Variants in ENKUR observed in about 807,000 individuals in gnomAD.
ENKUR encodes enkurin.
In ENKUR, 19 loss-of-function variants were observed where a neutral mutation model predicts 27.6. That is an observed-to-expected ratio of 0.69 (90% CI 0.48 to 1.01). ENKUR has a LOEUF of 1.01. Ranked by LOEUF, ENKUR falls within the 50% of genes least tolerant of loss-of-function variation. The pLI is 0.00. For missense variants in ENKUR, 312 were observed against 310.5 expected (o/e 1.00, Z -0.04); for synonymous variants, 117 against 96.9 (o/e 1.21, Z -1.22).
At chr10:25,035,550 T>C (rs1402704624) in intron 2 of ENKUR, among the ~76,000 whole-genome samples, 1 of 145,796 alleles carries the variant, frequency 6.9e-6, no homozygotes, top group East Asian at 2.0e-4. Context: ...AGCTAAACTC[T>C]GTCTCAAGGA....
At chr10:24,986,962 T>A (rs1849793399) in intron 4 of ENKUR, among the ~76,000 whole-genome samples, 1 of 152,202 alleles carries the variant, frequency 6.6e-6, no homozygotes, top group African/African-American at 2.4e-5. Context: ...GGAGAAGTGA[T>A]CTTATAATAA....
At chr10:25,023,003 A>G (rs1429453788) in intron 2 of ENKUR, among the ~76,000 whole-genome samples, 3 of 152,238 alleles carry the variant, frequency 2.0e-5, no homozygotes, top group Admixed American at 2.0e-4. Flanking sequence ...TATGCAATAT[A>G]TAAGAATTTG....
At position 25,038,546 on chromosome 10, in the gene ENKUR, C is replaced by T. The variant is rs373454227; in HGVS notation, c.37+22566G>A. Among the ~76,000 whole-genome samples the T allele has an allele frequency of 1.4e-4, 22 of 152,218 alleles. No homozygotes were observed. In the South Asian group the frequency reaches 2.5e-3, roughly 17 times the overall value. On this transcript the variant is annotated intron_variant, in intron 2 of 5. Transcript: ENST00000615958. The stretch of plus-strand genomic sequence containing the variant: ...CCTTTATGAGGATCTAATAAAATAA[C>T]GTGTGTAAGGAGGGTTTTAAAGGAT...
At chr10:24,984,445 T>C in intron 5 of ENKUR, 69 bp from the exon 6 acceptor site, 5 of 1,502,256 alleles carry the variant, frequency 3.3e-6, no homozygotes, top group Non-Finnish European at 4.5e-6. Context: ...TAGAAATTAA[T>C]GTTTATGTGA....
intron 1 of ENKUR, among the ~76,000 whole-genome samples, chr10:25,013,372 A>C (rs546809078): frequency 4.6e-5 from 7 of 152,380 alleles, no homozygotes; most frequent in Non-Finnish European, 7.3e-5. Flanking sequence ...CCATAGATTA[A>C]TGAGTTGAGA....
chr10:25,033,162 G>A (rs1458031889), intron 2 of ENKUR, among the ~76,000 whole-genome samples: 1 of 152,100 alleles, frequency 6.6e-6, no homozygotes, highest in Non-Finnish European at 1.5e-5. Flanking sequence ...GCTCATGCTT[G>A]TAATCCCAGC....
At chr10:25,030,128 C>G (rs1588678847) in intron 2 of ENKUR, among the ~76,000 whole-genome samples, 2 of 152,016 alleles carry the variant, frequency 1.3e-5, no homozygotes, top group East Asian at 3.9e-4. Flanking sequence ...GGGAGACTAC[C>G]CTATAGGGTC....
chr10:25,009,395 A>G (rs954821402), intron 1 of ENKUR, among the ~76,000 whole-genome samples: 1 of 152,244 alleles, frequency 6.6e-6, no homozygotes, highest in African/African-American at 2.4e-5. Flanking sequence ...GTCACCACAA[A>G]TGAAAATCAA....
At chr10:25,053,426 G>T (rs1395575588) in intron 2 of ENKUR, among the ~76,000 whole-genome samples, 1 of 152,066 alleles carries the variant, frequency 6.6e-6, no homozygotes, top group East Asian at 1.9e-4. Flanking sequence ...TGCACCCTTT[G>T]ACTAATATCT....
intron 2 of ENKUR, among the ~76,000 whole-genome samples, chr10:24,998,775 G>T (rs1301489826): frequency 6.6e-6 from 1 of 151,748 alleles, no homozygotes; most frequent in Non-Finnish European, 1.5e-5. Flanking sequence ...AATTTTTGAG[G>T]CCCAGTAAAA....
chr10:24,999,634 A>T, intron 1 of ENKUR, 88 bp from the exon 2 acceptor site: 4 of 1,211,854 alleles, frequency 3.3e-6, no homozygotes, highest in Non-Finnish European at 4.6e-6. Flanking sequence ...TACATTTTTA[A>T]TTTATTTAAG....
At position 24,982,613 on chromosome 10, in the gene ENKUR, C is replaced by T. The variant is rs916246354; in HGVS notation, c.*1757G>A. 1.3e-5 allele frequency: 2 copies of T among 152,138 alleles called. No individual in the cohort carries two copies. Among genetic ancestry groups the T allele is most frequent in the Admixed American group, 6.5e-5 (1 of 15,282 alleles). The allele number at this position is 152,138 out of a possible 1,614,324, so 9.4% of individuals were successfully genotyped here. A position where few individuals can be genotyped will look rare whatever the true frequency, so the allele number is the denominator to read the frequency against. On this transcript the variant is annotated 3_prime_UTR_variant, in exon 6 of 6. Transcript: ENST00000331161. ...TCTGATCAGTCACTGGTCAGCTGTC[C>T]AAGTCAGATGTTTGTCCCTCTTTTG...
chr10:25,038,766 G>A (rs1281616742), intron 2 of ENKUR, among the ~76,000 whole-genome samples: 1 of 152,134 alleles, frequency 6.6e-6, no homozygotes, highest in East Asian at 1.9e-4. Context: ...CACCTGAACC[G>A]AATGGGAGAA....
intron 3 of ENKUR, among the ~76,000 whole-genome samples, chr10:24,991,615 C>T (rs535797047): frequency 2.6e-5 from 4 of 152,188 alleles, no homozygotes; most frequent in African/African-American, 9.6e-5. Flanking sequence ...CAGAGCTGCC[C>T]GGCTCCAGGG....
intron 1 of ENKUR, among the ~76,000 whole-genome samples, chr10:25,004,239 GGCATGCATGTGTCTTTATAATAGAACA>G: frequency 6.6e-6 from 1 of 152,136 alleles, no homozygotes; most frequent in Admixed American, 6.5e-5. Flanking sequence ...AATGAACCTA[GGCATGCATGTGTCTTTATAATAGAACA>G]ATTTCTATTC....
At chr10:25,028,170 A>G (rs1200218536) in intron 2 of ENKUR, among the ~76,000 whole-genome samples, 1 of 152,216 alleles carries the variant, frequency 6.6e-6, no homozygotes, top group African/African-American at 2.4e-5. Flanking sequence ...TGAAATGCCC[A>G]AGGGTTCATG....
intron 2 of ENKUR, among the ~76,000 whole-genome samples, chr10:25,021,180 G>A (rs1461947765): frequency 6.6e-6 from 1 of 152,178 alleles, no homozygotes; most frequent in Non-Finnish European, 1.5e-5. Context: ...CCCACTGTCA[G>A]TGAGTGACAA....
intron 4 of ENKUR, among the ~76,000 whole-genome samples, chr10:24,985,747 T>G (rs1849763870): frequency 6.6e-6 from 1 of 152,236 alleles, no homozygotes; most frequent in South Asian, 2.1e-4. Flanking sequence ...ATTTTATAAG[T>G]CAACACTTTT....
rs889374061 is a variant in ENKUR, at chr10:24,999,325, T to C, written c.223+76A>G. On this transcript the variant is annotated intron_variant, in intron 2 of 5. Coordinates refer to ENST00000331161, the MANE Select transcript of ENKUR (RefSeq NM_145010.4). ...TGCTATCACCTGTGCATGTTTAATA[T>C]TCATCAACAATAAAATAATAGTTAA... 13 of 1,405,026 alleles carry C rather than the reference T, an allele frequency of 9.3e-6. No individual in the cohort carries two copies. In the African/African-American group the frequency reaches 1.5e-4, roughly 16 times the overall value. The allele number at this position is 1,405,026 out of a possible 1,614,324, so 87.0% of individuals were successfully genotyped here. A position where few individuals can be genotyped will look rare whatever the true frequency, so the allele number is the denominator to read the frequency against.
Sources: gnomAD v4.1 joint callset for allele counts (sites outside exome capture counted in the v4.1 genomes callset) on GRCh38, gnomAD v4.1.1 for gene constraint, MANE v1.5 for transcripts, NCBI Gene and HGNC (gene_info 2026-07-23, HGNC 2026-07-21) for gene names.